The following PHKB variants were observed in gnomAD, a reference collection of about 807,000 sequenced individuals.
PHKB encodes phosphorylase kinase regulatory subunit beta, also known as phosphorylase b kinase regulatory subunit beta.
A neutral mutation model predicts 152.1 loss-of-function variants in PHKB; 122 were observed. The ratio of observed to expected loss-of-function variants is 0.80; its 90% CI spans 0.69 to 0.93. The LOEUF is 0.93. Among genes scored for constraint, PHKB ranks in the 40% least tolerant of loss-of-function variants. The pLI, the probability that PHKB is intolerant of heterozygous loss-of-function variation, is 0.00. For synonymous variants in PHKB, 436 were observed against 464.9 expected (o/e 0.94, Z 0.80); for missense variants, 1,304 against 1,328.4 (o/e 0.98, Z 0.29).
At chr16:47,611,517 G>A (rs1972427455) in intron 14 of PHKB, among the ~76,000 whole-genome samples, 1 of 152,100 alleles carries the variant, frequency 6.6e-6, no homozygotes, top group Admixed American at 6.6e-5. Flanking sequence ...TGTGGAAACT[G>A]CCTGAAGAGA....
chr16:47,634,693 C>T (rs1597139253), intron 14 of PHKB, among the ~76,000 whole-genome samples: 1 of 152,216 alleles, frequency 6.6e-6, no homozygotes, highest in East Asian at 1.9e-4. Flanking sequence ...CACCAGACAG[C>T]TGTAACCAGT....
chr16:47,526,748 G>A (rs960137315), intron 6 of PHKB, among the ~76,000 whole-genome samples: 3 of 152,208 alleles, frequency 2.0e-5, no homozygotes, highest in African/African-American at 7.2e-5. Flanking sequence ...GCATATAGCG[G>A]AAGTGTTATT....
chr16:47,642,707 T>G (rs1036362982), intron 16 of PHKB, among the ~76,000 whole-genome samples: 4 of 152,094 alleles, frequency 2.6e-5, no homozygotes, highest in Non-Finnish European at 5.9e-5. Context: ...ATCTTGACAT[T>G]AGGCAACACA....
At chr16:47,503,473 T>C (rs1970358074) in intron 4 of PHKB, among the ~76,000 whole-genome samples, 1 of 152,214 alleles carries the variant, frequency 6.6e-6, no homozygotes, top group Non-Finnish European at 1.5e-5. Context: ...AAGTGAACTT[T>C]AGTTTAAAAA....
Position 47,531,049 on chromosome 16 carries a change from C to T in PHKB, c.594+15448C>T, listed in dbSNP as rs193227413. Among the ~76,000 whole-genome samples the T allele has an allele frequency of 7.9e-5, 12 of 152,132 alleles. No homozygotes were observed. In the East Asian group the frequency reaches 1.9e-3, roughly 24 times the overall value. Reference sequence around the variant, plus strand: ...AGACTTCCTTTACCTGATATAAACCCCATACATCCATGGAAATTCAACAAT... The same window carrying T: ...AGACTTCCTTTACCTGATATAAACCTCATACATCCATGGAAATTCAACAAT... On this transcript the variant is annotated intron_variant, in intron 6 of 30. Transcript: ENST00000323584.
At chr16:47,612,259 C>G (rs1172455185) in intron 14 of PHKB, among the ~76,000 whole-genome samples, 2 of 152,188 alleles carry the variant, frequency 1.3e-5, no homozygotes, top group African/African-American at 4.8e-5. Flanking sequence ...TGACCCACTT[C>G]TCTAGAGTGA....
chr16:47,547,670 T>C (rs1407133040), intron 7 of PHKB, 122 bp downstream of exon 7: 2 of 678,202 alleles, frequency 2.9e-6, no homozygotes, highest in East Asian at 2.8e-5. Context: ...AATTTTTTTC[T>C]ACCTATGATG....
At chr16:47,465,517 T>C (rs1022473180) in intron 1 of PHKB, among the ~76,000 whole-genome samples, 1 of 152,188 alleles carries the variant, frequency 6.6e-6, no homozygotes, top group African/African-American at 2.4e-5. Flanking sequence ...TAGAAAAATA[T>C]CAAACTTTAG....
intron 7 of PHKB, among the ~76,000 whole-genome samples, chr16:47,568,915 T>C (rs1230738097): frequency 1.3e-5 from 2 of 152,218 alleles, no homozygotes; most frequent in Non-Finnish European, 2.9e-5. Flanking sequence ...TTTTTAAATT[T>C]ATTGCGATTT....
intron 13 of PHKB, among the ~76,000 whole-genome samples, chr16:47,602,542 C>CTTTTTTTTTTTTTTTTTTTTTTTTTTT (rs34655174): frequency 8.2e-6 from 1 of 122,676 alleles, no homozygotes; most frequent in Non-Finnish European, 1.7e-5. Context: ...GCTTCTCTTC[C>CTTTTTTTTTTTTTTTTTTTTTTTTTTT]TTTTTTTTTT....
intron 6 of PHKB, among the ~76,000 whole-genome samples, chr16:47,524,177 G>A (rs1970729625): frequency 6.6e-6 from 1 of 152,098 alleles, no homozygotes; most frequent in Admixed American, 6.6e-5. Flanking sequence ...CTTACTGCTT[G>A]TGTGAACAAT....
At chr16:47,671,670 G>A (rs375824816) in intron 26 of PHKB, among the ~76,000 whole-genome samples, 1 of 152,026 alleles carries the variant, frequency 6.6e-6, no homozygotes, top group South Asian at 2.1e-4. Context: ...TGCATACATC[G>A]TAATTCATCA....
At chr16:47,660,871 A>G in intron 22 of PHKB, 52 bp downstream of exon 22, 1 of 1,555,000 alleles carries the variant, frequency 6.4e-7, no homozygotes, top group South Asian at 1.1e-5. Context: ...CTGGAGCAGA[A>G]GCTCCCAGAA....
intron 14 of PHKB, among the ~76,000 whole-genome samples, chr16:47,639,242 A>G (rs1357296588): frequency 6.6e-6 from 1 of 152,192 alleles, no homozygotes; most frequent in African/African-American, 2.4e-5. Flanking sequence ...CCACCACTCC[A>G]CTACACTCCA....
intron 13 of PHKB, among the ~76,000 whole-genome samples, chr16:47,598,269 A>G (rs552451543): frequency 3.3e-5 from 5 of 152,330 alleles, no homozygotes; most frequent in East Asian, 3.9e-4. Context: ...TGTTTAGACT[A>G]TAATAGTTAA....
chr16:47,616,940 G>A (rs534207512), intron 14 of PHKB, among the ~76,000 whole-genome samples: 1 of 151,114 alleles, frequency 6.6e-6, no homozygotes, highest in African/African-American at 2.4e-5. Context: ...ATGTCCTTAA[G>A]GCACAGATCA....
intron 28 of PHKB, 45 bp downstream of exon 28, chr16:47,693,552 G>C: frequency 6.2e-7 from 1 of 1,605,364 alleles, no homozygotes; most frequent in South Asian, 1.1e-5. Flanking sequence ...ACTTCGCAAA[G>C]GGTAGTGAAT....
At chr16:47,669,608 A>G (rs1404741649) in intron 26 of PHKB, among the ~76,000 whole-genome samples, 191 bp downstream of exon 26, 2 of 152,146 alleles carry the variant, frequency 1.3e-5, no homozygotes, top group African/African-American at 4.8e-5. Flanking sequence ...AGAATCCTTA[A>G]CGTTTATTTC....
At chr16:47,601,671 C>CT (rs1972229400) in intron 13 of PHKB, among the ~76,000 whole-genome samples, 1 of 151,706 alleles carries the variant, frequency 6.6e-6, no homozygotes, top group African/African-American at 2.4e-5. Context: ...TGCCACTGCA[C>CT]TCCAGCCTGG....
Sources: allele counts gnomAD v4.1 joint callset (sites outside exome capture counted in the v4.1 genomes callset), GRCh38; gene constraint gnomAD v4.1.1; transcripts MANE v1.5; gene names NCBI Gene and HGNC (gene_info 2026-07-23, HGNC 2026-07-21).